The following ADGRL1 variants were observed in gnomAD, a reference collection of about 807,000 sequenced individuals.
The protein encoded by ADGRL1 is adhesion G protein-coupled receptor L1, also known as CIRL-1.
ADGRL1 carries 31 observed loss-of-function variants against 148.9 expected under a neutral mutation model. That is an observed-to-expected ratio of 0.21 (90% CI 0.16 to 0.28). ADGRL1 has a LOEUF of 0.28. Ranked by LOEUF, ADGRL1 falls within the 10% of genes least tolerant of loss-of-function variation. The pLI is 1.00. For missense variants in ADGRL1, 1,521 were observed against 2,058.8 expected, an observed-to-expected ratio of 0.74 and a Z score of 5.05; for synonymous variants, 937 against 900.3, an observed-to-expected ratio of 1.04 and a Z score of -0.73.
rs1568581057 is a variant in ADGRL1 at position 14,160,869 on chromosome 19, C to T, written c.1511-173G>A. On this transcript the variant is annotated intron_variant, in intron 6 of 22. Transcript: ENST00000361434. This position sits in a 1 kb window ranked among gnomAD's most constrained non-coding sequence, Gnocchi z 5.9. ...CGGGCTGGACAGTCGAAAGAGGCGC[C>T]ACTCACTTCCCCTGAGCTCTCCCTC... Among the ~76,000 whole-genome samples the T allele has an allele frequency of 2.0e-5, 3 of 152,134 alleles. No individual in the cohort carries two copies. Among genetic ancestry groups the T allele is most frequent in the Admixed American group, 6.5e-5 (1 of 15,284 alleles).
rs1377331326 is a variant in ADGRL1 at position 14,148,299 on chromosome 19, G to C, written c.*2574C>G. ...GCCCTGCCACACAGCTCTGAGGCCT[G>C]GAAGCCACCCGGCGATGCCGGCTGG... On this transcript the variant is annotated 3_prime_UTR_variant, in exon 23 of 23. Coordinates refer to ENST00000361434, the MANE Select transcript of ADGRL1 (RefSeq NM_014921.5). 1.3e-5 allele frequency: 2 copies of C among 152,570 alleles called. No homozygotes were observed. 9.5% of individuals were successfully genotyped at this position (152,570 alleles called of 1,614,324 possible). A position where few individuals can be genotyped will look rare whatever the true frequency, so the allele number is the denominator to read the frequency against.
intron 1 of ADGRL1, chr19:14,191,621 C>T (rs540422240): frequency 8.9e-5 from 34 of 383,018 alleles, no homozygotes; most frequent in South Asian, 5.5e-4. Flanking sequence ...AATTCTCTTC[C>T]GCCTTCTCAC....
In ADGRL1 at chr19:14,160,691, C is replaced by T; in HGVS notation, c.1516G>A (p.Ala506Thr). The part of the protein sequence containing the change: ...RPCPKGTRGI[A>T]SFQCLPALGL... ...AAGGCTGGTAGACACTGGAAGGAGGCAATTCCTGCAGGGACAGACAGACAG... is the reference window on the plus strand; with the variant it reads ...AAGGCTGGTAGACACTGGAAGGAGGTAATTCCTGCAGGGACAGACAGACAG... Residue 506 changes from alanine (A) to threonine (T), a missense_variant, in exon 7 of 23, where the codon GCC becomes ACC. Ala to Thr is a moderately conservative substitution (Grantham distance 58). This residue lies in a region of ADGRL1 where 270 missense variants were observed against 320.4 expected (regional missense o/e 0.84). Transcript: ENST00000361434. The surrounding 1 kb of genome is among the most constrained non-coding windows in gnomAD (Gnocchi z 5.9). 6.2e-7 allele frequency: 1 copy of T among 1,602,192 alleles called. No homozygotes were observed. Among genetic ancestry groups the T allele is most frequent in the Non-Finnish European group, 8.5e-7 (1 of 1,170,280 alleles).
chr19:14,188,962 G>A (rs1385272170), intron 1 of ADGRL1, among the ~76,000 whole-genome samples: 3 of 151,958 alleles, frequency 2.0e-5, no homozygotes, highest in Non-Finnish European at 4.4e-5. Context: ...ATGTTGGCCA[G>A]GCTAGTCTGG....
intron 1 of ADGRL1, among the ~76,000 whole-genome samples, chr19:14,189,395 A>G (rs1018962265): frequency 1.3e-5 from 2 of 151,990 alleles, no homozygotes; most frequent in Non-Finnish European, 2.9e-5. Context: ...ACTCCTGGCT[A>G]ACTTTTGTAT....
intron 1 of ADGRL1, among the ~76,000 whole-genome samples, chr19:14,189,374 C>CT (rs1971790048): frequency 6.6e-6 from 1 of 152,158 alleles, no homozygotes; most frequent in African/African-American, 2.4e-5. Context: ...TCACATGACT[C>CT]CTCTAAATGA....
rs746463329 is a variant in ADGRL1 at position 14,158,466 on chromosome 19, C to G, written c.2236G>C (p.Ala746Pro). 1 of 1,613,972 alleles carries G rather than the reference C, an allele frequency of 6.2e-7. No individual in the cohort carries two copies. Among genetic ancestry groups the G allele is most frequent in the South Asian group, 1.1e-5 (1 of 91,088 alleles). The stretch of plus-strand genomic sequence containing the variant: ...GCGCCCCCAGGGCCACCCGGGCCTG[C>G]TTCGCCGGCCAGCTTCACTGTGGCA... ...ENATVKLAGE[A>P]GPGGPGGASL... The change falls in exon 12 of 23, where the codon GCA becomes CCA. Residue 746 changes from alanine (A) to proline (P), a missense_variant. Coordinates refer to ENST00000361434, the MANE Select transcript of ADGRL1 (RefSeq NM_014921.5).
At chr19:14,164,144 A>T (rs1969720459) in intron 4 of ADGRL1, among the ~76,000 whole-genome samples, 1 of 151,716 alleles carries the variant, frequency 6.6e-6, no homozygotes, top group South Asian at 2.1e-4. Flanking sequence ...AGGGATTCCC[A>T]GAGGCAGCTC....
At position 14,152,325 on chromosome 19, in the gene ADGRL1, A is replaced by G. The variant is rs765163934; in HGVS notation, c.3633T>C (p.Pro1211=). ...ESVGFNPSSP[P]VFNSPGSYRE... ...TGCTCTCACCTGGGGAGTTGAAGAC[A>G]GGGGGCGAGGAGGGATTGAAGCCCA... Residue 1211 remains proline (P), a synonymous_variant, in exon 21 of 23, where the codon CCT becomes CCC. Transcript: ENST00000361434. This position sits in a 1 kb window ranked among gnomAD's most constrained non-coding sequence, Gnocchi z 6.1. The G allele has an allele frequency of 1.1e-5, 18 of 1,596,894 alleles. No individual in the cohort carries two copies. In the Admixed American group the frequency reaches 1.2e-4, roughly 11 times the overall value.
intron 1 of ADGRL1, among the ~76,000 whole-genome samples, chr19:14,205,107 C>A (rs1477602186): frequency 6.6e-6 from 1 of 151,940 alleles, no homozygotes; most frequent in Non-Finnish European, 1.5e-5. Flanking sequence ...TGGAGAGATA[C>A]CTGGGAGGGC....
intron 4 of ADGRL1, among the ~76,000 whole-genome samples, chr19:14,163,865 G>A (rs904836284): frequency 6.6e-6 from 1 of 152,010 alleles, no homozygotes; most frequent in African/African-American, 2.4e-5. Flanking sequence ...CTCAGCACCC[G>A]GCCCCTTCTC....
At chr19:14,195,837 G>A (rs1287674458) in intron 1 of ADGRL1, among the ~76,000 whole-genome samples, 1 of 152,140 alleles carries the variant, frequency 6.6e-6, no homozygotes, top group Non-Finnish European at 1.5e-5. Flanking sequence ...CCCAGAGAGG[G>A]CCCAGGTACA....
Position 14,162,491 on chromosome 19 carries a change from T to TC in ADGRL1, c.1195+114dup, listed in dbSNP as rs1969495887. On this transcript the variant is annotated intron_variant, in intron 5 of 22. Transcript: ENST00000361434. This position sits in a 1 kb window ranked among gnomAD's most constrained non-coding sequence, Gnocchi z 5.4. ...TCACATGCTGTGAATTTCCTTTACC[T>TC]CCCGATCCCCAAGAGCTCACAGGAT... The TC allele has an allele frequency of 1.1e-6, 1 of 888,564 alleles. No homozygotes were observed. Among genetic ancestry groups the TC allele is most frequent in the Non-Finnish European group, 1.7e-6 (1 of 576,372 alleles). 55.0% of individuals were successfully genotyped at this position (888,564 alleles called of 1,614,324 possible).
intron 2 of ADGRL1, among the ~76,000 whole-genome samples, chr19:14,182,851 A>G (rs1334027171): frequency 3.9e-5 from 6 of 152,178 alleles, no homozygotes; most frequent in African/African-American, 1.4e-4. Context: ...AGCTTTCCAG[A>G]GGGCAGGGCC....
chr19:14,184,164 C>T (rs1971413045), intron 1 of ADGRL1, among the ~76,000 whole-genome samples: 2 of 152,210 alleles, frequency 1.3e-5, no homozygotes, highest in Non-Finnish European at 2.9e-5. Flanking sequence ...CAGCCCCCTG[C>T]TTCCTGTCTC....
rs1968917114 is a variant in ADGRL1 at position 14,157,755 on chromosome 19, G to A, written c.2535+127C>T. 2 of 1,183,168 alleles carry A rather than the reference G, an allele frequency of 1.7e-6. No individual in the cohort carries two copies. The highest frequency in any genetic ancestry group is 2.3e-6 in the Non-Finnish European group (2 of 855,954). The allele number at this position is 1,183,168 out of a possible 1,614,324, so 73.3% of individuals were successfully genotyped here. On this transcript the variant is annotated intron_variant, in intron 13 of 22. Coordinates refer to ENST00000361434, the MANE Select transcript of ADGRL1 (RefSeq NM_014921.5). This position sits in a 1 kb window ranked among gnomAD's most constrained non-coding sequence, Gnocchi z 7.5. ...ACGCATGGCCTCATGCCCCAGGCAA[G>A]ACCAGGGGCCCCCCACACCCATGGG...
At position 14,204,981 on chromosome 19, in the gene ADGRL1, G is replaced by A. The variant is rs189579683; in HGVS notation, c.-96+1004C>T. 5.0e-3 allele frequency among the ~76,000 whole-genome samples: 761 copies of A among 152,214 alleles called. 5 individuals are homozygous for A. Among genetic ancestry groups the A allele is most frequent in the African/African-American group, 0.017 (724 of 41,538 alleles). On this transcript the variant is annotated intron_variant, in intron 1 of 22. Coordinates refer to ENST00000361434, the MANE Select transcript of ADGRL1 (RefSeq NM_014921.5). ...GTTGGAACAGGAAGAAAGGGTCCAG[G>A]CAGGTACAGTGAGGTGTTGGCCAGG... is the stretch of plus-strand genomic sequence containing the variant.
chr19:14,157,133 T>C lies in ADGRL1; in HGVS notation c.2758A>G (p.Ile920Val), dbSNP rs140213916. ...DKTQYEIACP[I>V]FAGLLHYFFL... ...AAATAGTGCAGCAGGCCGGCGAAGA[T>C]GGGGCAGGCAATCTGCGGGGAGCAC... The change falls in exon 15 of 23, where the codon ATC (isoleucine) becomes GTC (valine). Residue 920 changes from isoleucine to valine, a missense_variant. Ile to Val is a conservative substitution (Grantham distance 29). Coordinates refer to ENST00000361434, the MANE Select transcript of ADGRL1 (RefSeq NM_014921.5). The surrounding 1 kb of genome is among the most constrained non-coding windows in gnomAD (Gnocchi z 7.5). The C allele has an allele frequency of 2.3e-5, 37 of 1,613,814 alleles. No individual in the cohort carries two copies. In the African/African-American group the frequency reaches 3.6e-4, roughly 16 times the overall value.
In ADGRL1 at chr19:14,160,758, CAG is replaced by C; in HGVS notation, c.1511-64_1511-63del. ...CAAAGGGAAGAAGAGAAGGATGGGA[CAG>C]AGAGGGGGAAAGGAGATGACAGAGA... On this transcript the variant is annotated intron_variant, in intron 6 of 22. Transcript: ENST00000361434. This position sits in a 1 kb window ranked among gnomAD's most constrained non-coding sequence, Gnocchi z 5.9. 3.2e-6 allele frequency: 3 copies of C among 944,070 alleles called. No homozygotes were observed. Among genetic ancestry groups the C allele is most frequent in the African/African-American group, 1.6e-5 (1 of 62,510 alleles). 58.5% of individuals were successfully genotyped at this position (944,070 alleles called of 1,614,324 possible). A position where few individuals can be genotyped will look rare whatever the true frequency, so the allele number is the denominator to read the frequency against.
Sources: gnomAD v4.1 joint callset for allele counts (sites outside exome capture counted in the v4.1 genomes callset) on GRCh38, gnomAD v4.1.1 for gene constraint, gnomAD v4.1.1 regional missense constraint, Gnocchi (gnomAD v3.1) non-coding constraint, MANE v1.5 for transcripts, NCBI Gene and HGNC (gene_info 2026-07-23, HGNC 2026-07-21) for gene names.